LRRC49: variants seen among roughly 807,000 people sequenced by gnomAD.
LRRC49 encodes leucine-rich repeat-containing protein 49.
A neutral mutation model predicts 83.3 loss-of-function variants in LRRC49; 50 were observed. That is an observed-to-expected ratio of 0.60 (90% CI 0.48 to 0.76). The LOEUF (loss-of-function observed/expected upper bound fraction) is 0.76. Ranked by LOEUF, LRRC49 falls within the 30% of genes least tolerant of loss-of-function variation. The probability of loss-of-function intolerance (pLI) is 0.00; values close to 1 mark genes in which losing one functional copy is unlikely to be tolerated. For missense variants in LRRC49, 704 were observed against 809.1 expected, an observed-to-expected ratio of 0.87 and a Z score of 1.58; for synonymous variants, 286 against 283.3, an observed-to-expected ratio of 1.01 and a Z score of -0.10.
At position 70,904,683 on chromosome 15, in the gene LRRC49, A is replaced by C; in HGVS notation, c.428A>C (p.Asp143Ala). The C allele has an allele frequency of 6.2e-7, 1 of 1,613,644 alleles. No individual in the cohort carries two copies. Among genetic ancestry groups the C allele is most frequent in the East Asian group, 2.2e-5 (1 of 44,840 alleles). The change falls in exon 5 of 16, where the codon GAT becomes GCT. Residue 143 changes from aspartate (D) to alanine (A), a missense_variant. Asp to Ala is a moderately radical substitution (Grantham distance 126). Transcript: ENST00000260382. ...LQKLISLDLY[D>A]NQIEEISGLS... is the part of the protein sequence containing the mutation. ...AAGTTAATATCGTTGGATTTATATGATAACCAGATTGAAGAAATTAGTGGG... is the reference window on the plus strand; with the variant it reads ...AAGTTAATATCGTTGGATTTATATGCTAACCAGATTGAAGAAATTAGTGGG...
intron 15 of LRRC49, among the ~76,000 whole-genome samples, chr15:71,042,168 T>G (rs1035962700): frequency 5.3e-5 from 8 of 152,144 alleles, no homozygotes; most frequent in African/African-American, 7.2e-5. Flanking sequence ...GTGATTGTGT[T>G]TTTTGTTTTT....
At chr15:70,925,771 A>G (rs913397422) in intron 7 of LRRC49, among the ~76,000 whole-genome samples, 3 of 152,178 alleles carry the variant, frequency 2.0e-5, no homozygotes, top group Non-Finnish European at 2.9e-5. Context: ...TTGAAAAGTG[A>G]TTGAGAAGTT....
intron 13 of LRRC49, among the ~76,000 whole-genome samples, chr15:71,012,251 C>T (rs1341979214): frequency 6.6e-6 from 1 of 152,024 alleles, no homozygotes; most frequent in Admixed American, 6.6e-5. Flanking sequence ...AAGAATGGGT[C>T]CTCATAGGGT....
At position 71,008,467 on chromosome 15, in the gene LRRC49, C is replaced by T; in HGVS notation, c.1258C>T (p.Leu420=). 1.2e-6 allele frequency: 2 copies of T among 1,612,862 alleles called. No individual in the cohort carries two copies. Among genetic ancestry groups the T allele is most frequent in the Non-Finnish European group, 1.7e-6 (2 of 1,179,186 alleles). ...LVEVDGDTLS[L]YGSGALESLD... ...TGAAGTGGACGGGGATACACTTTCCCTATATGGCTCAGGAGCACTGGAATC... is the reference window on the plus strand; with the variant it reads ...TGAAGTGGACGGGGATACACTTTCCTTATATGGCTCAGGAGCACTGGAATC... Residue 420 remains leucine (L), a synonymous_variant, in exon 12 of 16, where the codon CTA becomes TTA. Transcript: ENST00000260382.
intron 7 of LRRC49, among the ~76,000 whole-genome samples, chr15:70,926,454 T>C (rs927396242): frequency 6.6e-6 from 1 of 152,198 alleles, no homozygotes; most frequent in African/African-American, 2.4e-5. Flanking sequence ...AGGAGTGTTA[T>C]TACTGAGCCA....
In LRRC49 at chr15:70,857,357, G is replaced by A. The variant is rs189284193; in HGVS notation, c.-299+3888G>A. Among the ~76,000 whole-genome samples the A allele has an allele frequency of 4.2e-4, 64 of 152,234 alleles. No homozygotes were observed. In the East Asian group the frequency reaches 9.3e-3, roughly 22 times the overall value. On this transcript the variant is annotated intron_variant, in intron 1 of 16. Transcript: ENST00000544974. ...CTGGGAAGTTGGGACAAGGCTAAGC[G>A]TTGAAGAGAAGAAGAGTAGTCCCAG... is the stretch of plus-strand genomic sequence containing the variant.
chr15:70,853,694 G>T (rs911990750), intron 1 of LRRC49, among the ~76,000 whole-genome samples: 1 of 152,136 alleles, frequency 6.6e-6, no homozygotes, highest in African/African-American at 2.4e-5. Flanking sequence ...GGGCGACGAA[G>T]CTGCGGGCTG....
At chr15:70,974,921 A>G (rs1027691488) in intron 9 of LRRC49, among the ~76,000 whole-genome samples, 1 of 152,232 alleles carries the variant, frequency 6.6e-6, no homozygotes, top group Admixed American at 6.5e-5. Flanking sequence ...ACAACAATCA[A>G]GCAAAACAAT....
At position 70,983,792 on chromosome 15, in the gene LRRC49, A is replaced by G. The variant is rs543384616; in HGVS notation, c.1006-302A>G. On this transcript the variant is annotated intron_variant, in intron 10 of 15. Coordinates refer to ENST00000260382, the MANE Select transcript of LRRC49 (RefSeq NM_017691.5). ...AAAATTTATGTGAAATTAAAACTTC[A>G]GATTTTGAATTTTTAATCTCTAGTT... Among the ~76,000 whole-genome samples the G allele has an allele frequency of 3.0e-4, 45 of 152,306 alleles. 1 individual carries two copies. Among genetic ancestry groups the G allele is most frequent in the African/African-American group, 1.0e-3 (43 of 41,578 alleles).
At chr15:70,873,085 A>G in exon 2 of LRRC49, 1 of 763,106 alleles carries the variant, frequency 1.3e-6, no homozygotes, top group Admixed American at 2.0e-5. Context: ...GGGTTTCACC[A>G]TCTTGGCCAG....
intron 8 of LRRC49, among the ~76,000 whole-genome samples, chr15:70,962,605 T>A (rs2036642107): frequency 6.7e-6 from 1 of 150,268 alleles, no homozygotes; most frequent in African/African-American, 2.5e-5. Context: ...AGTAAGAAAG[T>A]GCTCAGAAAA....
At chr15:71,001,134 C>T (rs1567092753) in intron 11 of LRRC49, among the ~76,000 whole-genome samples, 1 of 152,126 alleles carries the variant, frequency 6.6e-6, no homozygotes, top group African/African-American at 2.4e-5. Flanking sequence ...AAAGTTTTAA[C>T]ATTTGGCCTT....
rs570714004 is a variant in LRRC49 at position 71,033,170 on chromosome 15, G to C, written c.1704-4009G>C. Reference sequence around the variant, plus strand: ...ATAAGCAACTTTTCAGCAGTCTCAGGATACAAAATCAATGTGCAAAAATTG... The same window carrying C: ...ATAAGCAACTTTTCAGCAGTCTCAGCATACAAAATCAATGTGCAAAAATTG... On this transcript the variant is annotated intron_variant, in intron 14 of 15. Coordinates refer to ENST00000260382, the MANE Select transcript of LRRC49 (RefSeq NM_017691.5). 3.3e-5 allele frequency among the ~76,000 whole-genome samples: 5 copies of C among 152,226 alleles called. No individual in the cohort carries two copies. The South Asian group carries it at 1.0e-3, about 32-fold the overall frequency.
intron 14 of LRRC49, among the ~76,000 whole-genome samples, chr15:71,032,004 G>T (rs2141291058): frequency 6.6e-6 from 1 of 152,254 alleles, no homozygotes; most frequent in South Asian, 2.1e-4. Flanking sequence ...GGAGTGAACG[G>T]TTCTGTCTCA....
chr15:70,866,282 GA>G (rs1467114716), intron 1 of LRRC49, among the ~76,000 whole-genome samples: 4 of 152,040 alleles, frequency 2.6e-5, no homozygotes, highest in Non-Finnish European at 5.9e-5. Context: ...AAGTTGCTGG[GA>G]CTACAGGCGT....
intron 15 of LRRC49, among the ~76,000 whole-genome samples, chr15:71,045,977 A>C (rs990421081): frequency 6.6e-6 from 1 of 152,194 alleles, no homozygotes; most frequent in Middle Eastern, 3.2e-3. Flanking sequence ...AATTTGCTTA[A>C]GATTATGGCC....
intron 11 of LRRC49, among the ~76,000 whole-genome samples, chr15:70,986,543 T>C (rs932629860): frequency 0.013 from 1,988 of 152,210 alleles, 49 homozygotes; most frequent in African/African-American, 0.046. Flanking sequence ...GGCTGAGACA[T>C]TGGGGTTTTC....
intron 1 of LRRC49, chr15:70,853,949 G>T: frequency 2.1e-6 from 3 of 1,449,318 alleles, no homozygotes; most frequent in Non-Finnish European, 2.7e-6. Context: ...GAGGTACCGG[G>T]CCGGGTCCCC....
rs151119085 is a variant in LRRC49 at position 70,894,588 on chromosome 15, C to T, written c.105+948C>T. 2,307 of 1,279,130 alleles carry T rather than the reference C, an allele frequency of 1.8e-3. 5 individuals carry two copies. The highest frequency in any genetic ancestry group is 3.5e-3 in the Admixed American group (147 of 42,604). The allele number at this position is 1,279,130 out of a possible 1,614,324, so 79.2% of individuals were successfully genotyped here. On this transcript the variant is annotated intron_variant, in intron 2 of 15. Transcript: ENST00000260382. ...TCACCTCAGCATTTATACTTACCTA[C>T]TTTCTACACACTATGTCTCAAGACA...
Sources: allele counts gnomAD v4.1 joint callset (sites outside exome capture counted in the v4.1 genomes callset), GRCh38; gene constraint gnomAD v4.1.1; transcripts MANE v1.5; gene names NCBI Gene and HGNC (gene_info 2026-07-23, HGNC 2026-07-21).